The following NALCN variants were observed in gnomAD, a reference collection of about 807,000 sequenced individuals.
The protein encoded by NALCN is sodium leak channel, non-selective, also known as sodium leak channel NALCN.
A neutral mutation model predicts 225.3 loss-of-function variants in NALCN; 111 were observed. The ratio of observed to expected loss-of-function variants is 0.49; its 90% confidence interval spans 0.42 to 0.58. The LOEUF (loss-of-function observed/expected upper bound fraction) is 0.58. NALCN is among the 20% of genes least tolerant of loss of function. NALCN has a pLI of 0.00. For missense variants in NALCN, 1,378 were observed against 2,202.4 expected (o/e 0.63, Z 7.49); for synonymous variants, 764 against 769.0 (o/e 0.99, Z 0.11).
chr13:101,339,184 T>C (rs2045479328), intron 7 of NALCN, among the ~76,000 whole-genome samples: 1 of 152,232 alleles, frequency 6.6e-6, no homozygotes, highest in South Asian at 2.1e-4. Flanking sequence ...TGTGATTTTG[T>C]GTCACTTCGA....
intron 6 of NALCN, among the ~76,000 whole-genome samples, chr13:101,351,390 T>C (rs943518817): frequency 2.0e-5 from 3 of 152,210 alleles, no homozygotes; most frequent in African/African-American, 7.2e-5. Flanking sequence ...TTGTTTGTTT[T>C]TAATTCTTAA....
intron 10 of NALCN, among the ~76,000 whole-genome samples, chr13:101,262,628 G>T (rs1308725836): frequency 1.3e-5 from 2 of 152,212 alleles, no homozygotes; most frequent in Non-Finnish European, 2.9e-5. Context: ...TTCCTTAGCT[G>T]TGGATTTATG....
chr13:101,269,983 T>G (rs2042722098), intron 10 of NALCN, among the ~76,000 whole-genome samples: 1 of 152,242 alleles, frequency 6.6e-6, no homozygotes, highest in Non-Finnish European at 1.5e-5. Flanking sequence ...TTTTCTCTCA[T>G]GTTCCCTGGT....
At chr13:101,115,080 AT>A (rs1446754529) in intron 18 of NALCN, among the ~76,000 whole-genome samples, 1 of 152,148 alleles carries the variant, frequency 6.6e-6, no homozygotes, top group Non-Finnish European at 1.5e-5. Context: ...AAGATCAAAT[AT>A]TTTCTTTTCT....
chr13:101,409,149 C>T (rs1363004860), intron 1 of NALCN, among the ~76,000 whole-genome samples: 1 of 152,084 alleles, frequency 6.6e-6, no homozygotes, highest in Non-Finnish European at 1.5e-5. Flanking sequence ...CCACAATGCC[C>T]CAATGCCCTT....
At chr13:101,116,354 G>A in intron 18 of NALCN, 1 of 260,586 alleles carries the variant, frequency 3.8e-6, no homozygotes. Context: ...GGACGTTGGG[G>A]AAAGAGAATC....
At chr13:101,252,954 G>T (rs992023305) in intron 11 of NALCN, among the ~76,000 whole-genome samples, 10 of 152,008 alleles carry the variant, frequency 6.6e-5, no homozygotes, top group Admixed American at 2.0e-4. Context: ...TAAATGTACA[G>T]TCTAATGGAT....
chr13:101,269,127 T>C (rs1361584185), intron 10 of NALCN, among the ~76,000 whole-genome samples: 1 of 151,836 alleles, frequency 6.6e-6, no homozygotes, highest in Non-Finnish European at 1.5e-5. Flanking sequence ...TGGCTGGACA[T>C]GGGTAAGAAA....
At chr13:101,062,324 T>A (rs1418497029) in intron 40 of NALCN, among the ~76,000 whole-genome samples, 2 of 152,142 alleles carry the variant, frequency 1.3e-5, no homozygotes, top group African/African-American at 2.4e-5. Context: ...TGATAGATAG[T>A]CCTGGTAACT....
intron 33 of NALCN, among the ~76,000 whole-genome samples, chr13:101,082,265 T>C (rs2033697118): frequency 1.3e-5 from 2 of 152,190 alleles, no homozygotes; most frequent in South Asian, 4.1e-4. Context: ...TTTTTGAAGC[T>C]AAGTAGCTTA....
chr13:101,307,169 G>A (rs1163549203), intron 7 of NALCN, among the ~76,000 whole-genome samples: 2 of 152,050 alleles, frequency 1.3e-5, no homozygotes, highest in East Asian at 3.8e-4. Context: ...CCTCTTTGTC[G>A]CTTGGAGAAA....
intron 15 of NALCN, among the ~76,000 whole-genome samples, chr13:101,159,569 G>A (rs898876971): frequency 2.0e-5 from 3 of 152,136 alleles, no homozygotes; most frequent in African/African-American, 7.2e-5. Context: ...AAAATCAGAA[G>A]AGACACTGGA....
At chr13:101,366,351 C>G (rs777401043) in intron 6 of NALCN, among the ~76,000 whole-genome samples, 3 of 152,102 alleles carry the variant, frequency 2.0e-5, no homozygotes, top group Non-Finnish European at 2.9e-5. Context: ...GCTTCTTTAT[C>G]TTGTTTGCCT....
chr13:101,278,299 C>T (rs1407873514), intron 10 of NALCN, among the ~76,000 whole-genome samples: 2 of 151,998 alleles, frequency 1.3e-5, no homozygotes, highest in South Asian at 2.1e-4. Flanking sequence ...CCGAGGTGGG[C>T]GGATCATGAG....
chr13:101,099,076 T>TTTTTTTTTTTTTTTTTTTG (rs1555380629), intron 27 of NALCN, among the ~76,000 whole-genome samples: 1 of 151,724 alleles, frequency 6.6e-6, no homozygotes, highest in African/African-American at 2.4e-5. Context: ...CCACTGTTAA[T>TTTTTTTTTTTTTTTTTTTG]ATACTGAGTC....
rs979837415 is a variant in NALCN, at chr13:101,261,211, C to T, written c.1135-2637G>A. ...TCCTTCTGGGTTCTCTATTCTGTTT[C>T]GTTGGTCTATGTGTCTGTTTTTATG... On this transcript the variant is annotated intron_variant, in intron 10 of 43. Coordinates refer to ENST00000251127, the MANE Select transcript of NALCN (RefSeq NM_052867.4). 3.9e-5 allele frequency among the ~76,000 whole-genome samples: 6 copies of T among 152,224 alleles called. No individual in the cohort carries two copies. In the East Asian group the frequency reaches 1.2e-3, roughly 29 times the overall value.
intron 9 of NALCN, among the ~76,000 whole-genome samples, chr13:101,287,091 A>G (rs911602268): frequency 2.6e-5 from 4 of 152,224 alleles, no homozygotes; most frequent in African/African-American, 9.6e-5. Context: ...CCTCATAAAC[A>G]TCCTCAAACA....
intron 6 of NALCN, among the ~76,000 whole-genome samples, chr13:101,352,974 TA>T (rs1157623926): frequency 1.3e-5 from 2 of 152,178 alleles, no homozygotes; most frequent in African/African-American, 2.4e-5. Context: ...GTGATGTAAA[TA>T]AATAAGTAGC....
At chr13:101,231,652 A>G (rs2041352930) in intron 12 of NALCN, among the ~76,000 whole-genome samples, 2 of 152,216 alleles carry the variant, frequency 1.3e-5, no homozygotes, top group Admixed American at 1.3e-4. Flanking sequence ...AGTTTATACA[A>G]TGATCATCCA....
Sources: gnomAD v4.1 joint callset for allele counts (sites outside exome capture counted in the v4.1 genomes callset) on GRCh38, gnomAD v4.1.1 for gene constraint, MANE v1.5 for transcripts, NCBI Gene and HGNC (gene_info 2026-07-23, HGNC 2026-07-21) for gene names.